Variants in CCDC88C observed in about 807,000 individuals in gnomAD.
The protein encoded by CCDC88C is protein Daple.
In CCDC88C, 131 loss-of-function variants were observed where a neutral mutation model predicts 198.8. The observed-to-expected ratio is 0.66, with a 90% confidence interval of 0.57 to 0.76. The LOEUF is 0.76. Among genes scored for constraint, CCDC88C ranks in the 30% least tolerant of loss-of-function variants. CCDC88C has a pLI of 0.00. For missense variants in CCDC88C, 2,553 were observed against 2,631.6 expected (o/e 0.97, Z 0.65); for synonymous variants, 1,166 against 1,114.7 (o/e 1.05, Z -0.92).
At chr14:91,386,083 C>G (rs970117104) in intron 3 of CCDC88C, among the ~76,000 whole-genome samples, 1 of 152,072 alleles carries the variant, frequency 6.6e-6, no homozygotes, top group Non-Finnish European at 1.5e-5. Flanking sequence ...CTTCCTGAAC[C>G]ATCTACTTCA....
In CCDC88C at chr14:91,272,774, TG is replaced by T; in HGVS notation, c.5937del (p.Lys1980ArgfsTer85). The T allele has an allele frequency of 6.2e-7, 1 of 1,606,784 alleles. No homozygotes were observed. ...PGQGCSEGLPAKSPGRSPDLA... is the reference protein window; with the variant it reads ...PGQGCSEGLPXKSPGRSPDLA... The stretch of plus-strand genomic sequence containing the variant: ...AAATCGGGAGACCGACCTGGGCTCT[TG>T]GCCGGAAGCCCCTCACTGCAGCCCT... On this transcript the variant is annotated frameshift_variant, in exon 30 of 30. Transcript: ENST00000389857. LOFTEE classifies it high-confidence loss of function.
At chr14:91,344,741 C>T (rs1172624391) in intron 4 of CCDC88C, among the ~76,000 whole-genome samples, 8 of 151,678 alleles carry the variant, frequency 5.3e-5, no homozygotes, top group South Asian at 2.1e-4. Flanking sequence ...CCTCGTGATC[C>T]GCCCACCTCA....
intron 3 of CCDC88C, among the ~76,000 whole-genome samples, chr14:91,398,212 G>A (rs1194268720): frequency 6.6e-6 from 1 of 152,184 alleles, no homozygotes; most frequent in Non-Finnish European, 1.5e-5. Context: ...CAACAAAAAG[G>A]AGAGAAAAGA....
At chr14:91,393,928 G>A (rs148419821) in intron 3 of CCDC88C, among the ~76,000 whole-genome samples, 40 of 152,324 alleles carry the variant, frequency 2.6e-4, no homozygotes, top group African/African-American at 9.4e-4. Flanking sequence ...TAAAAACAGG[G>A]TGCTAGAAGA....
chr14:91,309,708 G>A (rs1313579803), intron 16 of CCDC88C, 151 bp downstream of exon 16: 9 of 614,300 alleles, frequency 1.5e-5, no homozygotes, highest in South Asian at 4.9e-5. Flanking sequence ...GAACAGAAAC[G>A]ACCAAGGAAC....
At chr14:91,392,794 TCTCA>T (rs1462138411) in intron 3 of CCDC88C, among the ~76,000 whole-genome samples, 16 of 150,388 alleles carry the variant, frequency 1.1e-4, no homozygotes, top group African/African-American at 4.0e-4. Context: ...CACCCCTCAC[TCTCA>T]CTGAGCCCCC....
chr14:91,309,718 C>A, intron 16 of CCDC88C, 141 bp downstream of exon 16: 1 of 714,910 alleles, frequency 1.4e-6, no homozygotes. Flanking sequence ...GACCAAGGAA[C>A]TTTGGGTTCA....
intron 28 of CCDC88C, among the ~76,000 whole-genome samples, chr14:91,278,889 CTTTTTTTTTTTT>C (rs10671669): frequency 5.1e-4 from 28 of 54,504 alleles, no homozygotes; most frequent in Admixed American, 1.3e-3. Context: ...ACCAAATACA[CTTTTTTTTTTTT>C]TTTTTTTTTT....
At chr14:91,401,780 C>T (rs1886218956) in intron 3 of CCDC88C, among the ~76,000 whole-genome samples, 1 of 152,110 alleles carries the variant, frequency 6.6e-6, no homozygotes. Context: ...TTCTGTACAA[C>T]GTATTATTAC....
At chr14:91,303,038 ATTTCCTT>A (rs1221672656) in intron 20 of CCDC88C, among the ~76,000 whole-genome samples, 1 of 152,150 alleles carries the variant, frequency 6.6e-6, no homozygotes, top group Non-Finnish European at 1.5e-5. Context: ...GGTAACGTTT[ATTTCCTT>A]CCTTTTGGGA....
intron 27 of CCDC88C, chr14:91,279,538 C>A: frequency 2.4e-6 from 1 of 420,110 alleles, no homozygotes; most frequent in East Asian, 3.8e-5. Context: ...CTCTGCTTAT[C>A]TACATTTATG....
chr14:91,273,002 T>C lies in CCDC88C; in HGVS notation c.5710A>G (p.Thr1904Ala). 6.4e-7 allele frequency: 1 copy of C among 1,552,980 alleles called. No homozygotes were observed. The stretch of plus-strand genomic sequence containing the variant: ...CCTGCAGTGGCAATGGCGGGGGCTG[T>C]GGCAGACTGATGCAGGGGGGCCAGC... ...ERLAPLHQSATAPAIATAGAG... is the reference protein window; with the variant it reads ...ERLAPLHQSAAAPAIATAGAG... Residue 1904 changes from threonine (T) to alanine (A), a missense_variant, in exon 30 of 30, where the codon ACA becomes GCA. Coordinates refer to ENST00000389857, the MANE Select transcript of CCDC88C (RefSeq NM_001080414.4). The surrounding 1 kb of genome is among the most constrained non-coding windows in gnomAD (Gnocchi z 5.6).
At chr14:91,350,509 T>C (rs1443361603) in intron 4 of CCDC88C, among the ~76,000 whole-genome samples, 4 of 152,170 alleles carry the variant, frequency 2.6e-5, no homozygotes, top group Non-Finnish European at 5.9e-5. Context: ...TCTTGTTGTG[T>C]ATAAACAATG....
Position 91,352,984 on chromosome 14 carries a change from C to G in CCDC88C, c.340+6658G>C, listed in dbSNP as rs1017794008. Among the ~76,000 whole-genome samples the G allele has an allele frequency of 6.6e-6, 1 of 152,214 alleles. No homozygotes were observed. The highest frequency in any genetic ancestry group is 2.1e-4 in the South Asian group (1 of 4,834). On this transcript the variant is annotated intron_variant, in intron 4 of 29. Coordinates refer to ENST00000389857, the MANE Select transcript of CCDC88C (RefSeq NM_001080414.4). The surrounding 1 kb of genome is among the most constrained non-coding windows in gnomAD (Gnocchi z 4.2). Reference sequence around the variant, plus strand: ...CAGCCCTCACAAGTTCCCCGGGGCCCCCGAAGGAAGGCAGGGCTGTGCCGT... The same window carrying G: ...CAGCCCTCACAAGTTCCCCGGGGCCGCCGAAGGAAGGCAGGGCTGTGCCGT...
At chr14:91,326,193 T>A in intron 10 of CCDC88C, 137 bp from the exon 11 acceptor site, 1 of 710,214 alleles carries the variant, frequency 1.4e-6, no homozygotes, top group Non-Finnish European at 2.3e-6. Context: ...CAGGAAGTTT[T>A]TCCTCTACTT....
intron 4 of CCDC88C, among the ~76,000 whole-genome samples, chr14:91,351,785 C>T (rs530029728): frequency 1.3e-5 from 2 of 152,152 alleles, no homozygotes; most frequent in East Asian, 1.9e-4. Context: ...CTGCCCATGT[C>T]AAGTCAGTCC....
In CCDC88C at chr14:91,339,290, A is replaced by T. The variant is rs757455276; in HGVS notation, c.797T>A (p.Val266Asp). Residue 266 changes from valine to aspartate, a missense_variant, in exon 8 of 30, where the codon GTC becomes GAC. Physicochemically the swap from Val to Asp is radical, Grantham distance 152. Transcript: ENST00000389857. The surrounding 1 kb of genome is among the most constrained non-coding windows in gnomAD (Gnocchi z 5.8). ...LADTKARLRR[V>D]RQELEDKTEQ... The stretch of plus-strand genomic sequence containing the variant: ...GCCGGGGACTCACAGCTCCTGCCTG[A>T]CGCGCCGCAGCCTGGCCTTGGTGTC... The T allele has an allele frequency of 7.4e-6, 12 of 1,612,686 alleles. No individual in the cohort carries two copies. In the South Asian group the frequency reaches 1.3e-4, roughly 18 times the overall value.
rs756830438 is a variant in CCDC88C, at chr14:91,303,994, A to AGC, written c.3358-18_3358-17dup. 2 of 1,592,562 alleles carry AGC rather than the reference A, an allele frequency of 1.3e-6. No individual in the cohort carries two copies. Among genetic ancestry groups the AGC allele is most frequent in the East Asian group, 4.5e-5 (2 of 44,564 alleles). Reference sequence around the variant, plus strand: ...AGTTCTCCACCTGCCGAGAGGGAGAAGCGCGGCGTGGCGCAGGCCCCACAG... The same window carrying AGC: ...AGTTCTCCACCTGCCGAGAGGGAGAAGCGCGCGGCGTGGCGCAGGCCCCACAG... On this transcript the variant is annotated splice_polypyrimidine_tract_variant and intron_variant, in intron 19 of 29. Coordinates refer to ENST00000389857, the MANE Select transcript of CCDC88C (RefSeq NM_001080414.4).
At chr14:91,415,091 G>T (rs967916602) in intron 2 of CCDC88C, among the ~76,000 whole-genome samples, 1 of 152,140 alleles carries the variant, frequency 6.6e-6, no homozygotes, top group Non-Finnish European at 1.5e-5. Context: ...GATACTGCTG[G>T]TTTTTTTAAT....
Sources: allele counts gnomAD v4.1 joint callset (sites outside exome capture counted in the v4.1 genomes callset), GRCh38; gene constraint gnomAD v4.1.1; non-coding constraint Gnocchi (gnomAD v3.1); transcripts MANE v1.5; gene names NCBI Gene and HGNC (gene_info 2026-07-23, HGNC 2026-07-21).